Variants in HABP4 observed in about 807,000 individuals in gnomAD.
HABP4 encodes intracellular hyaluronan-binding protein 4.
Under a neutral mutation model 44.1 loss-of-function variants are expected in HABP4, and 32 were observed. That is an observed-to-expected ratio of 0.73 (90% confidence interval 0.55 to 0.97). HABP4 has a LOEUF of 0.97. HABP4 is among the 50% of genes least tolerant of loss of function. The pLI is 0.00. For missense variants in HABP4, 503 were observed against 561.9 expected, an observed-to-expected ratio of 0.90 and a Z score of 1.06; for synonymous variants, 216 against 218.0, an observed-to-expected ratio of 0.99 and a Z score of 0.08.
chr9:96,463,502 G>A (rs892956453), intron 2 of HABP4, among the ~76,000 whole-genome samples: 3 of 152,088 alleles, frequency 2.0e-5, no homozygotes, highest in African/African-American at 4.8e-5. Flanking sequence ...TGATCTGCCC[G>A]TCTCGGCTTC....
chr9:96,465,048 G>A (rs1247700786), intron 2 of HABP4, among the ~76,000 whole-genome samples: 1 of 152,100 alleles, frequency 6.6e-6, no homozygotes, highest in Non-Finnish European at 1.5e-5. Context: ...GCTTCTCCTG[G>A]ACTGGCCCCA....
At chr9:96,475,220 C>G (rs574089285) in intron 5 of HABP4, among the ~76,000 whole-genome samples, 3 of 151,824 alleles carry the variant, frequency 2.0e-5, no homozygotes, top group African/African-American at 7.2e-5. Context: ...ACTGAAAATA[C>G]AAAAAATTAG....
chr9:96,451,788 A>C (rs1431718003), intron 1 of HABP4, among the ~76,000 whole-genome samples: 1 of 152,236 alleles, frequency 6.6e-6, no homozygotes, highest in African/African-American at 2.4e-5. Context: ...GTAGGCCAGT[A>C]AATTTCTGAG....
At position 96,484,527 on chromosome 9, in the gene HABP4, A is replaced by G; in HGVS notation, c.893A>G (p.Asn298Ser). ...GAGATGACTTTAGATGAGTGGAAAA[A>G]TCTTCAAGAACAGACCAGACCAAAG... ...VQEMTLDEWK[N>S]LQEQTRPKPE... The change falls in exon 6 of 8, where the codon AAT (asparagine) becomes AGT (serine). Residue 298 changes from asparagine (N) to serine (S), a missense_variant. Transcript: ENST00000375249. The G allele has an allele frequency of 1.3e-6, 2 of 1,588,264 alleles. No homozygotes were observed. Among genetic ancestry groups the G allele is most frequent in the Non-Finnish European group, 1.7e-6 (2 of 1,156,420 alleles).
intron 4 of HABP4, among the ~76,000 whole-genome samples, chr9:96,470,293 G>C (rs556531427): frequency 6.6e-6 from 1 of 152,054 alleles, no homozygotes; most frequent in Non-Finnish European, 1.5e-5. Flanking sequence ...ACCATGCCCA[G>C]CTAATTTTTG....
intron 1 of HABP4, among the ~76,000 whole-genome samples, chr9:96,455,490 A>T (rs1333496974): frequency 7.0e-6 from 1 of 143,756 alleles, no homozygotes; most frequent in Non-Finnish European, 1.5e-5. Flanking sequence ...GTGGCCAGGC[A>T]CAGTGACTCA....
chr9:96,456,500 C>T (rs1832378371), intron 1 of HABP4, among the ~76,000 whole-genome samples: 1 of 151,860 alleles, frequency 6.6e-6, no homozygotes, highest in South Asian at 2.1e-4. Context: ...GTGGCTCACG[C>T]CTGTAATCCC....
At chr9:96,475,390 C>CAAAAAAAAAAAAAAAAA (rs61553823) in intron 5 of HABP4, among the ~76,000 whole-genome samples, 2 of 94,156 alleles carry the variant, frequency 2.1e-5, no homozygotes, top group Non-Finnish European at 2.2e-5. Context: ...ACAACAACAA[C>CAAAAAAAAAAAAAAAAA]AAAAAAAAAA....
chr9:96,476,044 A>ATGTTT (rs369442087), intron 5 of HABP4, among the ~76,000 whole-genome samples: 105 of 152,140 alleles, frequency 6.9e-4, no homozygotes, highest in African/African-American at 2.4e-3. Context: ...ATTTGAATTG[A>ATGTTT]TGTTTTGTAT....
intron 3 of HABP4, 39 bp downstream of exon 3, chr9:96,465,537 G>C (rs759042373): frequency 1.2e-5 from 16 of 1,350,342 alleles, no homozygotes; most frequent in Non-Finnish European, 1.7e-5. Flanking sequence ...CTTTAAGATG[G>C]TGTCAGCACG....
chr9:96,489,995 C>A lies in HABP4; in HGVS notation c.1199C>A (p.Ala400Asp). 1 of 1,594,738 alleles carries A rather than the reference C, an allele frequency of 6.3e-7. No individual in the cohort carries two copies. The highest frequency in any genetic ancestry group is 8.6e-7 in the Non-Finnish European group (1 of 1,162,362). ...PRAEVVMQDVAPNPDDPEDFP... is the reference protein window; with the variant it reads ...PRAEVVMQDVDPNPDDPEDFP... ...TTTTTTCTTTAGATGCAAGATGTTG[C>A]CCCCAACCCAGATGACCCGGAAGAT... Residue 400 changes from alanine (A) to aspartate (D), a missense_variant, in exon 8 of 8, where the codon GCC becomes GAC. Physicochemically the swap from Ala to Asp is moderately radical, Grantham distance 126. Coordinates refer to ENST00000375249, the MANE Select transcript of HABP4 (RefSeq NM_014282.4).
chr9:96,457,058 T>C (rs1483815797), intron 1 of HABP4, among the ~76,000 whole-genome samples: 5 of 151,718 alleles, frequency 3.3e-5, no homozygotes, highest in Admixed American at 2.6e-4. Context: ...TTTAAAGCAT[T>C]AAAACTAAAG....
chr9:96,468,020 C>T (rs895950744), intron 4 of HABP4, among the ~76,000 whole-genome samples: 1 of 152,184 alleles, frequency 6.6e-6, no homozygotes, highest in South Asian at 2.1e-4. Flanking sequence ...GTTAAAATGA[C>T]GTGTGCCCCA....
chr9:96,465,647 T>C (rs1365766559), intron 3 of HABP4, 63 bp from the exon 4 acceptor site: 4 of 1,265,594 alleles, frequency 3.2e-6, no homozygotes, highest in African/African-American at 2.9e-5. Flanking sequence ...AACCACTCTT[T>C]CTGATTTGGA....
At chr9:96,467,630 A>G (rs1832625832) in intron 4 of HABP4, among the ~76,000 whole-genome samples, 1 of 151,042 alleles carries the variant, frequency 6.6e-6, no homozygotes. Context: ...GGTTCAAGCA[A>G]TTCTCTTGCC....
Position 96,450,612 on chromosome 9 carries a change from C to A in HABP4, c.333C>A (p.Gly111=). The change falls in exon 1 of 8, where the codon GGC becomes GGA. Residue 111 remains glycine (G), a synonymous_variant. Transcript: ENST00000375249. The surrounding 1 kb of genome is among the most constrained non-coding windows in gnomAD (Gnocchi z 4.8). ...CTCAGCGGCCCGATAGCCCCGGGGGCGGCCTGCAGGCGCCGGGTACGCGGG... is the reference window on the plus strand; with the variant it reads ...CTCAGCGGCCCGATAGCCCCGGGGGAGGCCTGCAGGCGCCGGGTACGCGGG... ...PVAQRPDSPG[G]GLQAPGQKRT... The A allele has an allele frequency of 7.9e-7, 1 of 1,267,878 alleles. No homozygotes were observed. The highest frequency in any genetic ancestry group is 9.9e-7 in the Non-Finnish European group (1 of 1,007,290). 78.5% of individuals were successfully genotyped at this position (1,267,878 alleles called of 1,614,324 possible).
chr9:96,472,175 G>A (rs1832709499), intron 5 of HABP4, among the ~76,000 whole-genome samples: 1 of 151,982 alleles, frequency 6.6e-6, no homozygotes, highest in Non-Finnish European at 1.5e-5. Context: ...CCTCCTGGGT[G>A]ACTCCACTAT....
At chr9:96,451,675 G>A (rs1276036537) in intron 1 of HABP4, among the ~76,000 whole-genome samples, 2 of 152,126 alleles carry the variant, frequency 1.3e-5, no homozygotes, top group African/African-American at 4.8e-5. Flanking sequence ...CTTTATTTGT[G>A]AAAAGCTAAA....
At chr9:96,455,796 T>A (rs1832364496) in intron 1 of HABP4, among the ~76,000 whole-genome samples, 1 of 151,000 alleles carries the variant, frequency 6.6e-6, no homozygotes, top group Non-Finnish European at 1.5e-5. Context: ...GGCTCATGCC[T>A]GTAATCCCAG....
Sources: gnomAD v4.1 joint callset for allele counts (sites outside exome capture counted in the v4.1 genomes callset) on GRCh38, gnomAD v4.1.1 for gene constraint, Gnocchi (gnomAD v3.1) non-coding constraint, MANE v1.5 for transcripts, NCBI Gene and HGNC (gene_info 2026-07-23, HGNC 2026-07-21) for gene names.